The following COL6A5 variants were observed in gnomAD, a reference collection of about 807,000 sequenced individuals.
The protein encoded by COL6A5 is collagen alpha-5(VI) chain.
In COL6A5, 48 loss-of-function variants were observed where a neutral mutation model predicts 65.6. The observed-to-expected ratio is 0.73, with a 90% confidence interval of 0.58 to 0.93. COL6A5 has a LOEUF of 0.93. Among genes scored for constraint, COL6A5 ranks in the 40% least tolerant of loss-of-function variants. The pLI, the probability that COL6A5 is intolerant of heterozygous loss-of-function variation, is 0.00. For synonymous variants in COL6A5, 291 were observed against 322.8 expected (o/e 0.90, Z 1.05); for missense variants, 914 against 928.3 (o/e 0.98, Z 0.20).
At chr3:130,364,577 G>T (rs1005797158) in intron 1 of COL6A5, among the ~76,000 whole-genome samples, 1 of 152,234 alleles carries the variant, frequency 6.6e-6, no homozygotes, top group African/African-American at 2.4e-5. Context: ...GACAGAGGCT[G>T]CAGTAGTCAG....
upstream of COL6A5, among the ~76,000 whole-genome samples, chr3:130,430,316 A>G (rs1937748286): frequency 6.6e-6 from 1 of 152,170 alleles, no homozygotes; most frequent in South Asian, 2.1e-4. Flanking sequence ...CAGCTTTCAT[A>G]TTTTAAAATT....
chr3:130,403,489 A>G (rs1455206580), intron 12 of COL6A5, 120 bp from the exon 13 acceptor site: 2 of 779,100 alleles, frequency 2.6e-6, no homozygotes, highest in Non-Finnish European at 4.2e-6. Flanking sequence ...TCACGGCCAC[A>G]TCTGCAGAAA....
chr3:130,466,260 A>T (rs2107611314), intron 5 of COL6A5, among the ~76,000 whole-genome samples: 1 of 152,186 alleles, frequency 6.6e-6, no homozygotes, highest in South Asian at 2.1e-4. Context: ...TTCAAGTGAT[A>T]GCAAATGTGT....
chr3:130,406,749 T>A (rs1937006977), intron 17 of COL6A5, among the ~76,000 whole-genome samples: 1 of 152,242 alleles, frequency 6.6e-6, no homozygotes, highest in Non-Finnish European at 1.5e-5. Flanking sequence ...AAACATTTTT[T>A]AACTTTACAT....
chr3:130,407,027 G>A (rs1245851178), intron 17 of COL6A5, among the ~76,000 whole-genome samples: 1 of 152,190 alleles, frequency 6.6e-6, no homozygotes, highest in African/African-American at 2.4e-5. Flanking sequence ...AGGCCATGTT[G>A]TAGATATCTA....
At chr3:130,458,161 A>G (rs1709619498) in intron 5 of COL6A5, among the ~76,000 whole-genome samples, 1 of 152,040 alleles carries the variant, frequency 6.6e-6, no homozygotes, top group African/African-American at 2.4e-5. Flanking sequence ...TCTGGTTTGA[A>G]TTGAAATTAT....
At chr3:130,454,465 C>G (rs1252627171) in intron 4 of COL6A5, among the ~76,000 whole-genome samples, 2 of 152,134 alleles carry the variant, frequency 1.3e-5, no homozygotes, top group Admixed American at 1.3e-4. Flanking sequence ...GACTTTTCTT[C>G]CTCTCCTCAT....
At chr3:130,480,086 A>T (rs2107626605) in intron 7 of COL6A5, among the ~76,000 whole-genome samples, 1 of 152,206 alleles carries the variant, frequency 6.6e-6, no homozygotes, top group South Asian at 2.1e-4. Context: ...AATAATATTT[A>T]TCAGTGCTTA....
intron 3 of COL6A5, 77 bp downstream of exon 3, chr3:130,376,913 C>A: frequency 1.4e-6 from 2 of 1,408,238 alleles, no homozygotes; most frequent in South Asian, 1.5e-5. Flanking sequence ...TCTTGCAACT[C>A]ATGTTAGGTT....
chr3:130,424,095 A>G (rs139008251), intron 29 of COL6A5, among the ~76,000 whole-genome samples, 195 bp downstream of exon 29: 3 of 152,248 alleles, frequency 2.0e-5, no homozygotes, highest in African/African-American at 7.2e-5. Context: ...AACTACCTCA[A>G]AAGGTAGCTG....
rs555015749 is a variant in COL6A5 at position 130,473,719 on chromosome 3, G to C, written c.2328+2752G>C. On this transcript the variant is annotated intron_variant, in intron 7 of 7. Coordinates refer to ENST00000512836, the Ensembl canonical transcript of COL6A5. ...CAAAAGCAAGTGTTTCTTGTGATTAGGTACATCTGAAGCCTGTTAGTAATA... is the reference window on the plus strand; with the variant it reads ...CAAAAGCAAGTGTTTCTTGTGATTACGTACATCTGAAGCCTGTTAGTAATA... Among the ~76,000 whole-genome samples the C allele has an allele frequency of 5.3e-5, 8 of 152,094 alleles. No individual in the cohort carries two copies. The East Asian group carries it at 1.5e-3, about 29-fold the overall frequency.
At chr3:130,364,318 G>A (rs1392116927) in intron 1 of COL6A5, among the ~76,000 whole-genome samples, 1 of 152,158 alleles carries the variant, frequency 6.6e-6, no homozygotes, top group Non-Finnish European at 1.5e-5. Flanking sequence ...ATCCATTTCT[G>A]CATTTCCCCC....
intron 7 of COL6A5, among the ~76,000 whole-genome samples, 172 bp from the exon 8 acceptor site, chr3:130,394,718 C>G (rs1488512510): frequency 6.6e-6 from 1 of 152,146 alleles, no homozygotes; most frequent in Non-Finnish European, 1.5e-5. Flanking sequence ...CTTTCCTCCT[C>G]TTGCTATTTT....
At chr3:130,426,179 A>G in intron 29 of COL6A5, 35 bp from the exon 30 acceptor site, 2 of 1,548,828 alleles carry the variant, frequency 1.3e-6, no homozygotes, top group South Asian at 2.4e-5. Flanking sequence ...TTCAGTTGGC[A>G]TACCACTAAC....
At chr3:130,404,101 G>C (rs1936907412) in intron 13 of COL6A5, among the ~76,000 whole-genome samples, 1 of 152,182 alleles carries the variant, frequency 6.6e-6, no homozygotes, top group Admixed American at 6.5e-5. Context: ...TTTGGGCCAA[G>C]GCTGGAGTAT....
At chr3:130,383,912 A>C (rs1489988698) in intron 4 of COL6A5, among the ~76,000 whole-genome samples, 4 of 152,024 alleles carry the variant, frequency 2.6e-5, no homozygotes, top group Non-Finnish European at 5.9e-5. Context: ...GGGCAGAAGC[A>C]GAAAAATAAA....
At chr3:130,442,733 T>G (rs1176647613) in intron 3 of COL6A5, among the ~76,000 whole-genome samples, 3 of 152,166 alleles carry the variant, frequency 2.0e-5, no homozygotes, top group Non-Finnish European at 4.4e-5. Context: ...AAGTGTCAGA[T>G]GCAATTAATC....
exon 10 of COL6A5, chr3:130,398,100 T>C (rs1310625179): frequency 5.9e-6 from 9 of 1,520,172 alleles, no homozygotes; most frequent in Non-Finnish European, 8.0e-6. Context: ...TCAGACAGGC[T>C]CAGAGAAGCA....
At chr3:130,352,037 C>T (rs1313719545) in intron 1 of COL6A5, among the ~76,000 whole-genome samples, 1 of 152,140 alleles carries the variant, frequency 6.6e-6, no homozygotes, top group Non-Finnish European at 1.5e-5. Context: ...ATCCATCATC[C>T]TCAGCAAACT....
Sources: gnomAD v4.1 joint callset for allele counts (sites outside exome capture counted in the v4.1 genomes callset) on GRCh38, gnomAD v4.1.1 for gene constraint, MANE v1.5 for transcripts, NCBI Gene and HGNC (gene_info 2026-07-23, HGNC 2026-07-21) for gene names.